Variants in OXR1 observed in about 807,000 individuals in gnomAD.
OXR1 encodes oxidation resistance 1, also known as oxidation resistance protein 1.
In OXR1, 41 loss-of-function variants were observed where a neutral mutation model predicts 104.6. The observed-to-expected ratio is 0.39, with a 90% CI of 0.31 to 0.51. The LOEUF is 0.51. OXR1 is among the 20% of genes least tolerant of loss of function. The probability of loss-of-function intolerance (pLI) is 0.77; values close to 1 mark genes in which losing one functional copy is unlikely to be tolerated. For synonymous variants in OXR1, 348 were observed against 348.4 expected (o/e 1.00, Z 0.01); for missense variants, 955 against 1,031.9 (o/e 0.93, Z 1.02).
chr8:106,692,766 T>C lies in OXR1; in HGVS notation c.564T>C (p.Ser188=), dbSNP rs758076023. The change falls in exon 7 of 17, where the codon TCT becomes TCC. Residue 188 remains serine, a synonymous_variant. Coordinates refer to ENST00000517566, the MANE Select transcript of OXR1 (RefSeq NM_001198533.2). ...ATCCAACAGAAGCAACTCCCTCATC[T>C]ACTTTCACTGGTATTCGACCTGCAC... is the stretch of plus-strand genomic sequence containing the variant. ...DVHPTEATPS[S]TFTGIRPARV... is the part of the protein sequence containing the mutation. 9.5e-6 allele frequency: 15 copies of C among 1,577,066 alleles called. No individual in the cohort carries two copies. In the South Asian group the frequency reaches 1.3e-4, roughly 14 times the overall value.
At chr8:106,406,859 CA>C (rs1158975449) in intron 2 of OXR1, among the ~76,000 whole-genome samples, 1 of 152,128 alleles carries the variant, frequency 6.6e-6, no homozygotes, top group Non-Finnish European at 1.5e-5. Flanking sequence ...GTGATAATAG[CA>C]CGTCCATATA....
chr8:106,665,354 A>T (rs535769047), intron 3 of OXR1, among the ~76,000 whole-genome samples: 4 of 152,252 alleles, frequency 2.6e-5, no homozygotes, highest in African/African-American at 4.8e-5. Context: ...AACTCCACAC[A>T]GACAGTGGCC....
At chr8:106,463,775 T>A (rs557033827) in intron 2 of OXR1, among the ~76,000 whole-genome samples, 1 of 152,248 alleles carries the variant, frequency 6.6e-6, no homozygotes, top group Admixed American at 6.5e-5. Flanking sequence ...AGCATCATAT[T>A]GTTACTCATA....
chr8:106,399,724 A>G (rs1817925023), intron 2 of OXR1, among the ~76,000 whole-genome samples: 3 of 152,182 alleles, frequency 2.0e-5, no homozygotes, highest in Non-Finnish European at 4.4e-5. Context: ...AGGTGCTACT[A>G]TCATCTGTGT....
intron 3 of OXR1, among the ~76,000 whole-genome samples, chr8:106,589,212 T>C (rs1205720585): frequency 6.6e-6 from 1 of 152,128 alleles, no homozygotes; most frequent in Non-Finnish European, 1.5e-5. Context: ...CAGATGTGGG[T>C]TGTAAAATGG....
chr8:106,354,590 A>G (rs913115215), intron 1 of OXR1, among the ~76,000 whole-genome samples: 1 of 152,156 alleles, frequency 6.6e-6, no homozygotes, highest in Admixed American at 6.5e-5. Flanking sequence ...CACTGTGTAC[A>G]CTTAATGCTT....
At chr8:106,603,878 C>A (rs750379052) in intron 3 of OXR1, among the ~76,000 whole-genome samples, 1 of 151,858 alleles carries the variant, frequency 6.6e-6, no homozygotes, top group East Asian at 1.9e-4. Context: ...CATGGTGAAA[C>A]CCCCTCTCTA....
At chr8:106,737,860 G>A (rs996861018) in intron 12 of OXR1, among the ~76,000 whole-genome samples, 54 of 152,180 alleles carry the variant, frequency 3.5e-4, no homozygotes, top group Admixed American at 3.1e-3. Context: ...TTTCAGCGAT[G>A]AGGAGTTTTC....
chr8:106,711,372 C>T (rs1831671118), intron 10 of OXR1, among the ~76,000 whole-genome samples: 1 of 152,202 alleles, frequency 6.6e-6, no homozygotes, highest in South Asian at 2.1e-4. Flanking sequence ...TACTATTATT[C>T]ACTTAAAATT....
intron 2 of OXR1, among the ~76,000 whole-genome samples, chr8:106,479,937 C>T (rs971986860): frequency 6.6e-6 from 1 of 151,956 alleles, no homozygotes; most frequent in Non-Finnish European, 1.5e-5. Context: ...GGCATATTTA[C>T]AGTGCAATGT....
chr8:106,523,641 C>A (rs1439346268), intron 3 of OXR1, among the ~76,000 whole-genome samples: 1 of 151,976 alleles, frequency 6.6e-6, no homozygotes, highest in East Asian at 1.9e-4. Context: ...AATCACTGGA[C>A]TTGATATTTG....
intron 2 of OXR1, among the ~76,000 whole-genome samples, chr8:106,459,939 A>G (rs1043860646): frequency 1.3e-5 from 2 of 152,208 alleles, no homozygotes; most frequent in Middle Eastern, 6.3e-3. Flanking sequence ...GAGCATCCAT[A>G]CGTTTCTCTT....
intron 8 of OXR1, among the ~76,000 whole-genome samples, chr8:106,705,725 G>T (rs2131370695): frequency 6.6e-6 from 1 of 152,204 alleles, no homozygotes; most frequent in South Asian, 2.1e-4. Flanking sequence ...CATTAAATCT[G>T]AAAGTCTAGA....
chr8:106,676,347 A>C (rs1360046594), intron 3 of OXR1, among the ~76,000 whole-genome samples: 3 of 152,014 alleles, frequency 2.0e-5, no homozygotes, highest in African/African-American at 7.2e-5. Flanking sequence ...TTATCCTGTC[A>C]TGATGTTAGC....
chr8:106,360,056 A>C (rs1816173178), intron 2 of OXR1, among the ~76,000 whole-genome samples: 1 of 152,180 alleles, frequency 6.6e-6, no homozygotes, highest in Non-Finnish European at 1.5e-5. Flanking sequence ...ATTTCAACAA[A>C]TCTACCCAGA....
chr8:106,498,733 C>T (rs933602827), intron 2 of OXR1, among the ~76,000 whole-genome samples: 4 of 152,090 alleles, frequency 2.6e-5, no homozygotes, highest in African/African-American at 9.7e-5. Flanking sequence ...GCACTCATTG[C>T]AGTATGTCAC....
chr8:106,333,964 T>C (rs978761585), intron 1 of OXR1, among the ~76,000 whole-genome samples: 2 of 152,290 alleles, frequency 1.3e-5, no homozygotes, highest in African/African-American at 4.8e-5. Flanking sequence ...TTTCATACGA[T>C]CTTATAGATA....
chr8:106,739,698 T>G, intron 13 of OXR1, 115 bp downstream of exon 13: 1 of 951,238 alleles, frequency 1.1e-6, no homozygotes, highest in Non-Finnish European at 1.5e-6. Flanking sequence ...ACTATTCCAC[T>G]CCAGTGAAAA....
chr8:106,616,589 T>C (rs953503947), intron 3 of OXR1, among the ~76,000 whole-genome samples: 2 of 152,220 alleles, frequency 1.3e-5, no homozygotes. Context: ...GCTTATTGGC[T>C]TGGTCATGTA....
Sources: gnomAD v4.1 joint callset for allele counts (sites outside exome capture counted in the v4.1 genomes callset) on GRCh38, gnomAD v4.1.1 for gene constraint, MANE v1.5 for transcripts, NCBI Gene and HGNC (gene_info 2026-07-23, HGNC 2026-07-21) for gene names.